The following HERC2 variants were observed in gnomAD, a reference collection of about 807,000 sequenced individuals.
HERC2 encodes the protein HECT and RLD domain containing E3 ubiquitin protein ligase 2, also known as E3 ubiquitin-protein ligase HERC2.
HERC2 carries 102 observed loss-of-function variants against 537.7 expected under a neutral mutation model. The observed-to-expected ratio is 0.19, with a 90% confidence interval of 0.16 to 0.22. HERC2 has a LOEUF of 0.22. HERC2 is among the 10% of genes least tolerant of loss of function. HERC2 has a pLI of 1.00. For missense variants in HERC2, 4,236 were observed against 6,198.2 expected, an observed-to-expected ratio of 0.68 and a Z score of 10.63; for synonymous variants, 2,224 against 2,466.2, an observed-to-expected ratio of 0.90 and a Z score of 2.91.
intron 23 of HERC2, among the ~76,000 whole-genome samples, chr15:28,243,054 T>G (rs1903290832): frequency 6.6e-6 from 1 of 152,142 alleles, no homozygotes; most frequent in African/African-American, 2.4e-5. Context: ...TCCTAGCAAG[T>G]GCAATAAGTC....
At chr15:28,190,205 G>A (rs969810586) in intron 55 of HERC2, 3 of 136,722 alleles carry the variant, frequency 2.2e-5, no homozygotes, top group Non-Finnish European at 4.6e-5. Flanking sequence ...TTTTTTAGTA[G>A]AGACGGGGTT....
chr15:28,178,940 C>T lies in HERC2; in HGVS notation c.9110G>A (p.Arg3037Gln), dbSNP rs369787802. The change falls in exon 59 of 93, where the codon CGG becomes CAG. Residue 3037 changes from arginine to glutamine, a missense_variant. Physicochemically the swap from Arg to Gln is conservative, Grantham distance 43. This residue lies in a region of HERC2 where 606 missense variants were observed against 884.5 expected (regional missense o/e 0.69). Transcript: ENST00000261609. ...GTAGCTGCTGAGAGCTGTGATCTGCCGTGGGATGGGCACCGTCCCGCTGGA... is the reference window on the plus strand; with the variant it reads ...GTAGCTGCTGAGAGCTGTGATCTGCTGTGGGATGGGCACCGTCCCGCTGGA... Reference protein sequence around the residue: ...GISSGTVPIPRQITALSSYVV... With the variant: ...GISSGTVPIPQQITALSSYVV... The T allele has an allele frequency of 1.0e-4, 165 of 1,614,056 alleles. No individual in the cohort carries two copies. The highest frequency in any genetic ancestry group is 3.3e-4 in the Middle Eastern group (2 of 6,084).
chr15:28,142,639 G>A (rs1016964932), intron 75 of HERC2, among the ~76,000 whole-genome samples, 188 bp downstream of exon 75: 6 of 152,098 alleles, frequency 3.9e-5, no homozygotes, highest in Non-Finnish European at 7.4e-5. Context: ...GCATGCTAAC[G>A]GTTACAGGCT....
chr15:28,175,339 G>T (rs777508371), intron 64 of HERC2, among the ~76,000 whole-genome samples, 173 bp downstream of exon 64: 6 of 152,030 alleles, frequency 3.9e-5, no homozygotes, highest in Non-Finnish European at 8.8e-5. Flanking sequence ...TGCAAAGCAG[G>T]CAGATACACC....
intron 65 of HERC2, among the ~76,000 whole-genome samples, chr15:28,171,360 A>T (rs1188133929): frequency 2.0e-5 from 3 of 152,260 alleles, no homozygotes; most frequent in African/African-American, 7.2e-5. Context: ...TATACATATA[A>T]TGTGACATGA....
chr15:28,227,914 T>C (rs1470217418), intron 35 of HERC2, among the ~76,000 whole-genome samples: 4 of 152,086 alleles, frequency 2.6e-5, no homozygotes, highest in East Asian at 1.9e-4. Flanking sequence ...TGCAAATCCA[T>C]AGACAGGGAA....
chr15:28,161,694 T>A (rs1893615608), intron 69 of HERC2, among the ~76,000 whole-genome samples: 1 of 152,232 alleles, frequency 6.6e-6, no homozygotes, highest in South Asian at 2.1e-4. Flanking sequence ...CTGGTGCCAA[T>A]GGTCCCAGAT....
chr15:28,200,006 T>C (rs1241640771), intron 48 of HERC2, among the ~76,000 whole-genome samples: 1 of 152,160 alleles, frequency 6.6e-6, no homozygotes, highest in African/African-American at 2.4e-5. Context: ...ACTCCTAATG[T>C]GGCAGTATTA....
At position 28,307,235 on chromosome 15, in the gene HERC2, CCTA is replaced by C. The variant is rs1410651379; in HGVS notation, c.73-7722_73-7720del. On this transcript the variant is annotated intron_variant, in intron 2 of 92. Transcript: ENST00000261609. ...AATTTCTGCAATATCAGTTGTAATG[CCTA>C]CTTTTTCACCTCTGATTTGGGTCTT... 1.5e-4 allele frequency among the ~76,000 whole-genome samples: 23 copies of C among 152,328 alleles called. No homozygotes were observed. In the East Asian group the frequency reaches 3.5e-3, roughly 23 times the overall value.
chr15:28,247,718 A>C (rs142749105), intron 21 of HERC2, among the ~76,000 whole-genome samples: 155 of 152,158 alleles, frequency 1.0e-3, no homozygotes, highest in Admixed American at 2.9e-3. Context: ...GTGAGCCACC[A>C]CACCCAGCCT....
At chr15:28,188,326 A>T (rs1373364318) in intron 55 of HERC2, among the ~76,000 whole-genome samples, 1 of 151,942 alleles carries the variant, frequency 6.6e-6, no homozygotes, top group Non-Finnish European at 1.5e-5. Context: ...GTGGATCACG[A>T]AGTCAGGAGA....
chr15:28,177,049 G>A lies in HERC2; in HGVS notation c.9333C>T (p.Ser3111=), dbSNP rs148929519. The change falls in exon 61 of 93, where the codon AGC becomes AGT. Residue 3111 remains serine, a synonymous_variant. Transcript: ENST00000261609. This position sits in a 1 kb window ranked among gnomAD's most constrained non-coding sequence, Gnocchi z 5.0. ...GTTCTCCGCTGGATGTGAGGGCTGC[G>A]CTGTGCGAGCTCCCACAGGCGATAT... ...IRDIACGSSH[S]AALTSSGELY... The A allele has an allele frequency of 4.6e-5, 74 of 1,614,128 alleles. No homozygotes were observed. Among genetic ancestry groups the A allele is most frequent in the Non-Finnish European group, 5.8e-5 (69 of 1,179,970 alleles).
At chr15:28,291,506 C>G (rs1020866724) in intron 4 of HERC2, among the ~76,000 whole-genome samples, 2 of 152,066 alleles carry the variant, frequency 1.3e-5, no homozygotes, top group Non-Finnish European at 2.9e-5. Context: ...AAAGCTGAAA[C>G]TGGGGTGGGC....
chr15:28,212,586 G>A lies in HERC2; in HGVS notation c.6787-3C>T, dbSNP rs1387051421. The A allele has an allele frequency of 8.1e-6, 13 of 1,607,086 alleles. No individual in the cohort carries two copies. Among genetic ancestry groups the A allele is most frequent in the Non-Finnish European group, 1.1e-5 (13 of 1,176,288 alleles). ...ACATTAAAGGCCACGGCAGGGAGCT[G>A]GAGAGGACACAGAAGCTGTCAGAGT... is the stretch of plus-strand genomic sequence containing the variant. On this transcript the variant is annotated splice_polypyrimidine_tract_variant and splice_region_variant and intron_variant, in intron 42 of 92. Coordinates refer to ENST00000261609, the MANE Select transcript of HERC2 (RefSeq NM_004667.6).
At chr15:28,146,016 C>A (rs112152022) in intron 71 of HERC2, among the ~76,000 whole-genome samples, 6 of 152,272 alleles carry the variant, frequency 3.9e-5, no homozygotes, top group African/African-American at 1.4e-4. Flanking sequence ...AGGGCCCATC[C>A]GACAGGGATG....
chr15:28,245,778 G>T, intron 23 of HERC2, 103 bp downstream of exon 23: 1 of 1,082,490 alleles, frequency 9.2e-7, no homozygotes, highest in South Asian at 1.4e-5. Context: ...AGTAGAAATG[G>T]CAAATCTTCC....
chr15:28,177,427 G>A lies in HERC2; in HGVS notation c.9246C>T (p.Phe3082=). 1 of 1,614,022 alleles carries A rather than the reference G, an allele frequency of 6.2e-7. No individual in the cohort carries two copies. The highest frequency in any genetic ancestry group is 1.1e-5 in the South Asian group (1 of 91,086). Residue 3082 remains phenylalanine, a synonymous_variant, in exon 60 of 93, where the codon TTC becomes TTT. Coordinates refer to ENST00000261609, the MANE Select transcript of HERC2 (RefSeq NM_004667.6). This position sits in a 1 kb window ranked among gnomAD's most constrained non-coding sequence, Gnocchi z 5.0. ...GEGDDGKLGH[F]SRMNCDKPRL... ...AAAAAAAGTACCCTTACATTCTGCT[G>A]AAGTGTCCAAGTTTTCCATCGTCAC...
In HERC2 at chr15:28,265,190, A is replaced by T. The variant is rs577964884; in HGVS notation, c.1870+428T>A. On this transcript the variant is annotated intron_variant, in intron 14 of 92. Coordinates refer to ENST00000261609, the MANE Select transcript of HERC2 (RefSeq NM_004667.6). This position sits in a 1 kb window ranked among gnomAD's most constrained non-coding sequence, Gnocchi z 4.0. ...CTCATCAGGTACCCTTGAAAAAAGG[A>T]TGATCTCACTTAGGAACACAAACAT... 1.9e-3 allele frequency among the ~76,000 whole-genome samples: 286 copies of T among 152,306 alleles called. 1 individual carries two copies. The highest frequency in any genetic ancestry group is 6.7e-3 in the African/African-American group (278 of 41,568).
At chr15:28,298,036 T>TGA (rs200862122) in intron 3 of HERC2, among the ~76,000 whole-genome samples, 13,113 of 131,238 alleles carry the variant, frequency 0.1, 1,951 homozygotes, top group East Asian at 0.27. Context: ...TGTGTGTGTG[T>TGA]GTGAATATTT....
Sources: allele counts gnomAD v4.1 joint callset (sites outside exome capture counted in the v4.1 genomes callset), GRCh38; gene constraint gnomAD v4.1.1; regional missense constraint gnomAD v4.1.1; non-coding constraint Gnocchi (gnomAD v3.1); transcripts MANE v1.5; gene names NCBI Gene and HGNC (gene_info 2026-07-23, HGNC 2026-07-21).